Variants in HPSE2 observed in about 807,000 individuals in gnomAD.
HPSE2 encodes the protein inactive heparanase-2.
A neutral mutation model predicts 60.5 loss-of-function variants in HPSE2; 38 were observed. The ratio of observed to expected loss-of-function variants is 0.63; its 90% CI spans 0.48 to 0.82. The LOEUF (loss-of-function observed/expected upper bound fraction) is 0.82. Among genes scored for constraint, HPSE2 ranks in the 40% least tolerant of loss-of-function variants. The pLI is 0.00. For synonymous variants in HPSE2, 295 were observed against 293.2 expected (o/e 1.01, Z -0.06); for missense variants, 713 against 740.4 (o/e 0.96, Z 0.43).
At chr10:99,301,423 G>C in the HPSE2 span, among the ~76,000 whole-genome samples, 38 of 152,258 alleles carry the variant, frequency 2.5e-4, no homozygotes, top group East Asian at 7.4e-3. Flanking sequence ...CTTTGCAAAA[G>C]GTTAAATATT....
chr10:99,308,379 C>CA, the HPSE2 span, among the ~76,000 whole-genome samples: 837 of 28,122 alleles, frequency 0.03, 149 homozygotes, highest in African/African-American at 0.1. Context: ...GACTCTGTCT[C>CA]AAAAAAAAAA....
intron 3 of HPSE2, among the ~76,000 whole-genome samples, chr10:98,895,891 C>A (rs937981457): frequency 1.5e-5 from 2 of 129,174 alleles, no homozygotes; most frequent in African/African-American, 6.0e-5. Context: ...ACAATGAGAA[C>A]ACATGGACAC....
At chr10:99,081,545 C>T (rs141503664) in intron 3 of HPSE2, among the ~76,000 whole-genome samples, 103 of 151,728 alleles carry the variant, frequency 6.8e-4, no homozygotes, top group African/African-American at 2.3e-3. Flanking sequence ...ACTAGTAGCT[C>T]AAGAAGCTAC....
At chr10:98,949,951 A>T (rs923618417) in intron 3 of HPSE2, among the ~76,000 whole-genome samples, 3 of 152,200 alleles carry the variant, frequency 2.0e-5, no homozygotes, top group Non-Finnish European at 2.9e-5. Context: ...TCAAGTTGAA[A>T]CTTTAAAAAT....
Position 98,702,378 on chromosome 10 carries a change from C to A in HPSE2, c.957-8431G>T, listed in dbSNP as rs545643247. The stretch of plus-strand genomic sequence containing the variant: ...ATAATAGTGGGAGACTTTAACACCC[C>A]ACTGTCAATATTAGACAGATCAACG... On this transcript the variant is annotated intron_variant, in intron 5 of 11. Coordinates refer to ENST00000370552, the MANE Select transcript of HPSE2 (RefSeq NM_021828.5). Among the ~76,000 whole-genome samples, 12 of 152,212 alleles carry A rather than the reference C, an allele frequency of 7.9e-5. No homozygotes were observed. In the East Asian group the frequency reaches 2.3e-3, roughly 29 times the overall value.
the HPSE2 span, among the ~76,000 whole-genome samples, chr10:99,273,919 G>C: frequency 7.5e-4 from 114 of 152,270 alleles, no homozygotes; most frequent in Non-Finnish European, 1.3e-3. Flanking sequence ...TGCTGCCAGG[G>C]ACATAATTTC....
In HPSE2 at chr10:98,462,974, T is replaced by A. The variant is rs559892387; in HGVS notation, c.1614-3235A>T. On this transcript the variant is annotated intron_variant, in intron 11 of 11. Coordinates refer to ENST00000370552, the MANE Select transcript of HPSE2 (RefSeq NM_021828.5). ...CTTATCTCTGCTTTTTTTTTTTTTT[T>A]ATCTTTGTGATGGTACCGCCATTTA... Among the ~76,000 whole-genome samples the A allele has an allele frequency of 2.0e-4, 30 of 146,530 alleles. No homozygotes were observed. The South Asian group carries it at 2.6e-3, about 13-fold the overall frequency.
intron 3 of HPSE2, among the ~76,000 whole-genome samples, chr10:98,777,559 C>T (rs1280765121): frequency 1.3e-5 from 2 of 152,118 alleles, no homozygotes; most frequent in South Asian, 2.1e-4. Flanking sequence ...AGAGTAAACA[C>T]ATTACCCTTT....
intron 6 of HPSE2, among the ~76,000 whole-genome samples, chr10:98,676,945 A>C (rs1947660157): frequency 6.8e-6 from 1 of 146,032 alleles, no homozygotes; most frequent in African/African-American, 2.5e-5. Context: ...TAAGTTCCAT[A>C]TGTCATTAAT....
rs563780550 is a variant in HPSE2, at chr10:99,007,570, T to C, written c.610+136668A>G. On this transcript the variant is annotated intron_variant, in intron 3 of 11. Transcript: ENST00000370552. ...AAAGTGATGTTTTTGCAGAGGACAATCACTGGAAAGTCATATTCTGCCATC... is the reference window on the plus strand; with the variant it reads ...AAAGTGATGTTTTTGCAGAGGACAACCACTGGAAAGTCATATTCTGCCATC... Among the ~76,000 whole-genome samples the C allele has an allele frequency of 2.6e-5, 4 of 152,354 alleles. No homozygotes were observed. The East Asian group carries it at 7.7e-4, about 29-fold the overall frequency.
chr10:99,016,595 C>T (rs1957147745), intron 3 of HPSE2, among the ~76,000 whole-genome samples: 1 of 152,086 alleles, frequency 6.6e-6, no homozygotes, highest in Non-Finnish European at 1.5e-5. Context: ...ATAGGCATAA[C>T]ACTGAATCTA....
At chr10:98,528,641 C>T (rs1162621806) in intron 9 of HPSE2, among the ~76,000 whole-genome samples, 3 of 152,266 alleles carry the variant, frequency 2.0e-5, no homozygotes, top group East Asian at 3.9e-4. Flanking sequence ...GAAGGAACTA[C>T]GGAAACCTGG....
At chr10:99,173,296 A>T (rs1847389365) in intron 2 of HPSE2, among the ~76,000 whole-genome samples, 1 of 152,224 alleles carries the variant, frequency 6.6e-6, no homozygotes, top group South Asian at 2.1e-4. Context: ...GGAAGCAAAG[A>T]GGTCCATTAA....
chr10:99,197,936 T>C (rs1442860802), intron 2 of HPSE2, among the ~76,000 whole-genome samples: 4 of 151,968 alleles, frequency 2.6e-5, no homozygotes. Flanking sequence ...CCAGGTGTGG[T>C]GGCGCACACC....
At chr10:99,183,291 C>T (rs79940795) in intron 2 of HPSE2, among the ~76,000 whole-genome samples, 3,175 of 152,188 alleles carry the variant, frequency 0.021, 114 homozygotes, top group East Asian at 0.16. Context: ...GAGAGGTTCC[C>T]TGATGGTATT....
intron 2 of HPSE2, among the ~76,000 whole-genome samples, chr10:99,216,455 A>G (rs1849131141): frequency 6.7e-6 from 1 of 148,274 alleles, no homozygotes; most frequent in East Asian, 2.0e-4. Context: ...TCGGCCTCCC[A>G]AAGTGCTGGG....
At chr10:99,081,048 C>G (rs1843117844) in intron 3 of HPSE2, among the ~76,000 whole-genome samples, 1 of 152,226 alleles carries the variant, frequency 6.6e-6, no homozygotes, top group Non-Finnish European at 1.5e-5. Flanking sequence ...CCCACCTCGG[C>G]CTCCCAAAGT....
At chr10:98,736,194 G>A (rs1949352936) in intron 4 of HPSE2, among the ~76,000 whole-genome samples, 2 of 136,774 alleles carry the variant, frequency 1.5e-5, no homozygotes, top group African/African-American at 5.3e-5. Context: ...ATTTTATAAG[G>A]GGTTTCCCCT....
intron 9 of HPSE2, among the ~76,000 whole-genome samples, chr10:98,546,238 T>C (rs1267414680): frequency 5.1e-5 from 7 of 138,470 alleles, no homozygotes; most frequent in African/African-American, 1.7e-4. Context: ...CCAAGGTCAT[T>C]TATAGATTCA....
Sources: gnomAD v4.1 joint callset for allele counts (sites outside exome capture counted in the v4.1 genomes callset) on GRCh38, gnomAD v4.1.1 for gene constraint, MANE v1.5 for transcripts, NCBI Gene and HGNC (gene_info 2026-07-23, HGNC 2026-07-21) for gene names.